The following FAM163A variants were observed in gnomAD, a reference collection of about 807,000 sequenced individuals.
FAM163A encodes protein FAM163A.
A neutral mutation model predicts 12.0 loss-of-function variants in FAM163A; 7 were observed. The observed-to-expected ratio is 0.58, with a 90% CI of 0.33 to 1.10. The LOEUF (loss-of-function observed/expected upper bound fraction) is 1.10. FAM163A is among the 50% of genes least tolerant of loss of function. FAM163A has a pLI of 0.03. For synonymous variants in FAM163A, 101 were observed against 91.0 expected (o/e 1.11, Z -0.62); for missense variants, 202 against 218.6 (o/e 0.92, Z 0.48).
At chr1:179,804,595 A>G (rs1235117374) in intron 1 of FAM163A, among the ~76,000 whole-genome samples, 1 of 152,268 alleles carries the variant, frequency 6.6e-6, no homozygotes, top group East Asian at 1.9e-4. Flanking sequence ...AAAATGTGGT[A>G]CATATACACC....
chr1:179,812,707 G>A (rs1694866281), intron 3 of FAM163A, among the ~76,000 whole-genome samples: 1 of 152,218 alleles, frequency 6.6e-6, no homozygotes, highest in Admixed American at 6.5e-5. Context: ...GATGCGTGGG[G>A]GTGCTTAGCA....
the FAM163A span, among the ~76,000 whole-genome samples, chr1:179,732,657 G>A: frequency 6.6e-6 from 1 of 152,054 alleles, no homozygotes; most frequent in South Asian, 2.1e-4. Flanking sequence ...TGAGGCAGGT[G>A]AATCACTTGA....
intron 1 of FAM163A, among the ~76,000 whole-genome samples, chr1:179,794,465 C>T (rs1441036729): frequency 6.6e-6 from 1 of 152,152 alleles, no homozygotes. Context: ...TTGGGATTCC[C>T]TGGAATCTGG....
chr1:179,735,492 A>ATTTTTTTT, the FAM163A span, among the ~76,000 whole-genome samples: 1 of 58,402 alleles, frequency 1.7e-5, no homozygotes, highest in Non-Finnish European at 3.2e-5. Context: ...AAGGAGTTAC[A>ATTTTTTTT]TTCTTTTTTT....
At chr1:179,777,755 A>C (rs905069744) in intron 1 of FAM163A, among the ~76,000 whole-genome samples, 1 of 152,234 alleles carries the variant, frequency 6.6e-6, no homozygotes, top group South Asian at 2.1e-4. Context: ...GAGGATCCTC[A>C]GGAGAAATTC....
Position 179,798,562 on chromosome 1 carries a change from A to C in FAM163A, c.-135-9236A>C, listed in dbSNP as rs535527133. ...TCCTCGGGGCACTTTTGCCCATCTT[A>C]GAATATTTGTCTGATGTGATTGAGG... On this transcript the variant is annotated intron_variant, in intron 1 of 4. Coordinates refer to ENST00000341785, the MANE Select transcript of FAM163A (RefSeq NM_173509.3). Among the ~76,000 whole-genome samples the C allele has an allele frequency of 8.5e-5, 13 of 152,326 alleles. No homozygotes were observed. The East Asian group carries it at 2.5e-3, about 29-fold the overall frequency.
At chr1:179,740,190 G>GTTGTTGTTGTTT (rs1350916056), upstream of FAM163A, among the ~76,000 whole-genome samples, 2 of 152,028 alleles carry the variant, frequency 1.3e-5, no homozygotes, top group Non-Finnish European at 2.9e-5. Flanking sequence ...TGTTGTTGTT[G>GTTGTTGTTGTTT]TTGTTGTTGA....
chr1:179,791,043 C>CA (rs1256709988), intron 1 of FAM163A, among the ~76,000 whole-genome samples: 12 of 152,166 alleles, frequency 7.9e-5, no homozygotes, highest in Non-Finnish European at 1.8e-4. Flanking sequence ...CAAAGTCTAA[C>CA]AGTCCAGCAA....
At chr1:179,732,525 T>C in the FAM163A span, among the ~76,000 whole-genome samples, 1 of 152,142 alleles carries the variant, frequency 6.6e-6, no homozygotes, top group African/African-American at 2.4e-5. Context: ...TGAGTAATAT[T>C]CATACCCTCC....
At chr1:179,788,905 A>G (rs1691030648) in intron 1 of FAM163A, among the ~76,000 whole-genome samples, 2 of 152,126 alleles carry the variant, frequency 1.3e-5, no homozygotes, top group East Asian at 1.9e-4. Context: ...GCCGCCGTCT[A>G]TGTGCACTGT....
At chr1:179,805,489 T>C (rs1268273373) in intron 1 of FAM163A, among the ~76,000 whole-genome samples, 1 of 151,936 alleles carries the variant, frequency 6.6e-6, no homozygotes, top group Non-Finnish European at 1.5e-5. Flanking sequence ...TGAGCCGAGA[T>C]TGTGCCACTT....
Position 179,813,056 on chromosome 1 carries a change from C to A in FAM163A, c.-22-20C>A, listed in dbSNP as rs1029826134. The A allele has an allele frequency of 1.3e-6, 2 of 1,547,526 alleles. No homozygotes were observed. The highest frequency in any genetic ancestry group is 1.7e-6 in the Non-Finnish European group (2 of 1,143,684). On this transcript the variant is annotated intron_variant, in intron 3 of 4. Transcript: ENST00000341785. ...GGCTGCAGCCACAGCTGGTCCTCAG[C>A]CCTCCGCACATCTTTGCAGAGTTTG...
intron 1 of FAM163A, among the ~76,000 whole-genome samples, chr1:179,776,378 C>G (rs1688973568): frequency 6.6e-6 from 1 of 152,000 alleles, no homozygotes; most frequent in African/African-American, 2.4e-5. Flanking sequence ...GTAATACCAG[C>G]TACTCAGGAG....
At position 179,814,375 on chromosome 1, in the gene FAM163A, C is replaced by T. The variant is rs1695115233; in HGVS notation, c.*186C>T. On this transcript the variant is annotated 3_prime_UTR_variant, in exon 5 of 5. Coordinates refer to ENST00000341785, the MANE Select transcript of FAM163A (RefSeq NM_173509.3). ...CATTGAGAACCAAGACAGGGCCTGG[C>T]TCCAACTCTGTGGGCCAGAGGTGGG... is the stretch of plus-strand genomic sequence containing the variant. The T allele has an allele frequency of 3.8e-6, 3 of 785,562 alleles. No individual in the cohort carries two copies. The highest frequency in any genetic ancestry group is 5.8e-6 in the Non-Finnish European group (3 of 519,740). The allele number at this position is 785,562 out of a possible 1,614,324, so 48.7% of individuals were successfully genotyped here. A position where few individuals can be genotyped will look rare whatever the true frequency, so the allele number is the denominator to read the frequency against.
At chr1:179,746,811 A>G (rs1266820116) in intron 1 of FAM163A, among the ~76,000 whole-genome samples, 2 of 152,198 alleles carry the variant, frequency 1.3e-5, no homozygotes, top group African/African-American at 4.8e-5. Flanking sequence ...TAAAAGCCAA[A>G]GGGCTGTGAG....
chr1:179,745,668 A>G (rs1684367725), intron 1 of FAM163A, among the ~76,000 whole-genome samples: 1 of 152,182 alleles, frequency 6.6e-6, no homozygotes, highest in South Asian at 2.1e-4. Flanking sequence ...AAAGTTGCTA[A>G]CATTTATTAA....
intron 1 of FAM163A, among the ~76,000 whole-genome samples, chr1:179,752,974 T>A (rs537813505): frequency 5.1e-4 from 77 of 152,262 alleles, no homozygotes; most frequent in Middle Eastern, 3.4e-3. Flanking sequence ...AAAATAAGAA[T>A]CTTGAAAATA....
At chr1:179,811,989 G>A (rs1462065872) in intron 2 of FAM163A, 121 bp from the exon 3 acceptor site, 2 of 152,612 alleles carry the variant, frequency 1.3e-5, no homozygotes, top group East Asian at 1.9e-4. Flanking sequence ...GCTCACTGAT[G>A]ATATGCCACA....
chr1:179,782,995 T>TG (rs1251533690), intron 1 of FAM163A, among the ~76,000 whole-genome samples: 1 of 151,996 alleles, frequency 6.6e-6, no homozygotes, highest in East Asian at 1.9e-4. Context: ...CCCGGTGTGG[T>TG]GGTGCATGCC....
Sources: gnomAD v4.1 joint callset for allele counts (sites outside exome capture counted in the v4.1 genomes callset) on GRCh38, gnomAD v4.1.1 for gene constraint, MANE v1.5 for transcripts, NCBI Gene and HGNC (gene_info 2026-07-23, HGNC 2026-07-21) for gene names.